Variants in SLC22A23 observed in about 807,000 individuals in gnomAD.
SLC22A23 encodes ion transporter protein.
In SLC22A23, 26 loss-of-function variants were observed where a neutral mutation model predicts 61.0. That is an observed-to-expected ratio of 0.43 (90% confidence interval 0.31 to 0.59). The LOEUF (loss-of-function observed/expected upper bound fraction) is 0.59. Among genes scored for constraint, SLC22A23 ranks in the 20% least tolerant of loss-of-function variants. The pLI is 0.11. For synonymous variants in SLC22A23, 430 were observed against 413.9 expected (o/e 1.04, Z -0.47); for missense variants, 796 against 934.7 (o/e 0.85, Z 1.94).
In SLC22A23 at chr6:3,410,305, A is replaced by T; in HGVS notation, c.796T>A (p.Phe266Ile). 6.2e-7 allele frequency: 1 copy of T among 1,613,730 alleles called. No homozygotes were observed. The highest frequency in any genetic ancestry group is 1.7e-5 in the Admixed American group (1 of 59,924). Residue 266 changes from phenylalanine (F) to isoleucine (I), a missense_variant, in exon 3 of 10, where the codon TTC becomes ATC. Coordinates refer to ENST00000406686, the MANE Select transcript of SLC22A23 (RefSeq NM_015482.2). The surrounding 1 kb of genome is among the most constrained non-coding windows in gnomAD (Gnocchi z 5.0). ...RRPVLLFSII[F>I]ILIFGLTVAL... Reference sequence around the variant, plus strand: ...ACAGTCAGTCCAAAGATCAGAATGAAGATGATGGAAAACAGCAGCACAGGC... The same window carrying T: ...ACAGTCAGTCCAAAGATCAGAATGATGATGATGGAAAACAGCAGCACAGGC...
intron 3 of SLC22A23, among the ~76,000 whole-genome samples, chr6:3,400,917 A>G (rs965806503): frequency 2.6e-5 from 4 of 152,252 alleles, no homozygotes; most frequent in Admixed American, 1.3e-4. Context: ...GACTTTAAGC[A>G]AAAATAGGCA....
intron 1 of SLC22A23, among the ~76,000 whole-genome samples, chr6:3,422,420 G>A (rs1161048047): frequency 1.3e-5 from 2 of 152,102 alleles, no homozygotes; most frequent in Non-Finnish European, 2.9e-5. Context: ...CATTAGCTAC[G>A]ATTAGTTTCT....
At chr6:3,298,300 G>C in intron 4 of SLC22A23, 82 bp from the exon 5 acceptor site, 1 of 1,485,172 alleles carries the variant, frequency 6.7e-7, no homozygotes, top group South Asian at 1.3e-5. Flanking sequence ...TGGCCCGGGA[G>C]CTTCCCAGGC....
chr6:3,295,100 C>T (rs1561875462), intron 5 of SLC22A23, among the ~76,000 whole-genome samples: 2 of 152,254 alleles, frequency 1.3e-5, no homozygotes, highest in African/African-American at 4.8e-5. Flanking sequence ...GGCTGGGCTG[C>T]TGCTGGGGGC....
In SLC22A23 at chr6:3,330,150, C is replaced by T. The variant is rs1763508414; in HGVS notation, c.914-6148G>A. ...ACCCGCTGTCCTTACAAGTGGATCA[C>T]CCCTCTCCTCCCCTCTCCCAGCCCT... On this transcript the variant is annotated intron_variant, in intron 3 of 9. Transcript: ENST00000406686. This position sits in a 1 kb window ranked among gnomAD's most constrained non-coding sequence, Gnocchi z 4.7. 6.6e-6 allele frequency among the ~76,000 whole-genome samples: 1 copy of T among 152,228 alleles called. No homozygotes were observed. Among genetic ancestry groups the T allele is most frequent in the Non-Finnish European group, 1.5e-5 (1 of 68,048 alleles).
rs1394271205 is a variant in SLC22A23, at chr6:3,297,014, ACT to A, written c.1210+1075_1210+1076del. Among the ~76,000 whole-genome samples, 4 of 151,966 alleles carry A rather than the reference ACT, an allele frequency of 2.6e-5. No homozygotes were observed. Among genetic ancestry groups the A allele is most frequent in the African/African-American group, 9.7e-5 (4 of 41,388 alleles). On this transcript the variant is annotated intron_variant, in intron 5 of 9. Coordinates refer to ENST00000406686, the MANE Select transcript of SLC22A23 (RefSeq NM_015482.2). The surrounding 1 kb of genome is among the most constrained non-coding windows in gnomAD (Gnocchi z 4.3). ...CCCCTGGAGCAAAGCTTCCGCAGCC[ACT>A]CTGACTGTAGTCCCTCCCTGCCACC...
At chr6:3,449,873 A>G (rs777403710) in intron 1 of SLC22A23, among the ~76,000 whole-genome samples, 1 of 152,254 alleles carries the variant, frequency 6.6e-6, no homozygotes, top group Non-Finnish European at 1.5e-5. Context: ...ATATAACAGC[A>G]AAGACTGGAG....
chr6:3,348,835 C>T (rs916314507), intron 3 of SLC22A23, among the ~76,000 whole-genome samples: 1 of 152,222 alleles, frequency 6.6e-6, no homozygotes, highest in South Asian at 2.1e-4. Flanking sequence ...TCCCAGCCAA[C>T]GGACCGGGTC....
chr6:3,335,997 G>A (rs1236360823), intron 3 of SLC22A23, among the ~76,000 whole-genome samples: 1 of 152,066 alleles, frequency 6.6e-6, no homozygotes, highest in Non-Finnish European at 1.5e-5. Flanking sequence ...GCTGAGGCAG[G>A]AGAATGGCGT....
chr6:3,453,857 G>C (rs1348667679), intron 1 of SLC22A23, among the ~76,000 whole-genome samples: 1 of 152,156 alleles, frequency 6.6e-6, no homozygotes, highest in African/African-American at 2.4e-5. Context: ...ACAAGCACCT[G>C]ACCCCTGGAA....
chr6:3,351,699 C>T (rs1581733041), intron 3 of SLC22A23, among the ~76,000 whole-genome samples: 1 of 152,168 alleles, frequency 6.6e-6, no homozygotes, highest in African/African-American at 2.4e-5. Flanking sequence ...CCATCTCCTC[C>T]CCCAGCCACA....
chr6:3,275,869 A>T (rs1758849668), intron 9 of SLC22A23, among the ~76,000 whole-genome samples: 1 of 152,238 alleles, frequency 6.6e-6, no homozygotes, highest in African/African-American at 2.4e-5. Context: ...GGCGTGAGCC[A>T]CCACGCCACT....
In SLC22A23 at chr6:3,390,960, G is replaced by A. The variant is rs915725679; in HGVS notation, c.913+19228C>T. Among the ~76,000 whole-genome samples the A allele has an allele frequency of 6.6e-6, 1 of 151,942 alleles. No individual in the cohort carries two copies. On this transcript the variant is annotated intron_variant, in intron 3 of 9. Coordinates refer to ENST00000406686, the MANE Select transcript of SLC22A23 (RefSeq NM_015482.2). This position sits in a 1 kb window ranked among gnomAD's most constrained non-coding sequence, Gnocchi z 4.0. The stretch of plus-strand genomic sequence containing the variant: ...GTGAATTTGGTCAACTGCCTGAATG[G>A]AATGAAGAGAATCATACCCTGACTC...
In SLC22A23 at chr6:3,317,385, T is replaced by G. The variant is rs1762702557; in HGVS notation, c.1082+6449A>C. Among the ~76,000 whole-genome samples the G allele has an allele frequency of 6.6e-6, 1 of 152,180 alleles. No individual in the cohort carries two copies. Among genetic ancestry groups the G allele is most frequent in the Admixed American group, 6.5e-5 (1 of 15,284 alleles). The stretch of plus-strand genomic sequence containing the variant: ...GTGCACAATTTCAGAGCAGCAGCTC[T>G]TGCACCCAGCTCCCTCTTCCATTCT... On this transcript the variant is annotated intron_variant, in intron 4 of 9. Coordinates refer to ENST00000406686, the MANE Select transcript of SLC22A23 (RefSeq NM_015482.2). The surrounding 1 kb of genome is among the most constrained non-coding windows in gnomAD (Gnocchi z 4.4).
intron 3 of SLC22A23, among the ~76,000 whole-genome samples, chr6:3,345,937 G>A (rs6596965): frequency 0.78 from 118,888 of 152,138 alleles, 46,940 homozygotes; most frequent in African/African-American, 0.88. Flanking sequence ...GGTGTCTCCC[G>A]TTCTCCGAGA....
At chr6:3,452,887 G>C (rs1398054289) in intron 1 of SLC22A23, among the ~76,000 whole-genome samples, 2 of 152,192 alleles carry the variant, frequency 1.3e-5, no homozygotes, top group South Asian at 2.1e-4. Flanking sequence ...CTAAGTCATG[G>C]TCATGCTACA....
intron 1 of SLC22A23, among the ~76,000 whole-genome samples, chr6:3,445,614 G>A (rs1026435255): frequency 6.6e-6 from 1 of 152,164 alleles, no homozygotes; most frequent in Non-Finnish European, 1.5e-5. Flanking sequence ...TCCAACCAGG[G>A]TCCAGTGAGG....
rs370988534 is a variant in SLC22A23 at position 3,327,085 on chromosome 6, C to T, written c.914-3083G>A. 5.3e-5 allele frequency among the ~76,000 whole-genome samples: 8 copies of T among 149,808 alleles called. No individual in the cohort carries two copies. In the East Asian group the frequency reaches 7.8e-4, roughly 15 times the overall value. ...GGTGGATCGTTTCTGCTGGGAGGGA[C>T]GGGGACTGCAGGTGGATAGTTTTTG... is the stretch of plus-strand genomic sequence containing the variant. On this transcript the variant is annotated intron_variant, in intron 3 of 9. Coordinates refer to ENST00000406686, the MANE Select transcript of SLC22A23 (RefSeq NM_015482.2). This position sits in a 1 kb window ranked among gnomAD's most constrained non-coding sequence, Gnocchi z 4.1.
chr6:3,304,061 G>T lies in SLC22A23; in HGVS notation c.1083-5843C>A, dbSNP rs1001297110. ...TGGAATTCCATCAGTCCAGGCATTG[G>T]ATCCCAGAGAGGATTCAATTCTGCT... On this transcript the variant is annotated intron_variant, in intron 4 of 9. Transcript: ENST00000406686. This position sits in a 1 kb window ranked among gnomAD's most constrained non-coding sequence, Gnocchi z 4.3. Among the ~76,000 whole-genome samples the T allele has an allele frequency of 6.6e-6, 1 of 152,218 alleles. No individual in the cohort carries two copies. The highest frequency in any genetic ancestry group is 1.5e-5 in the Non-Finnish European group (1 of 68,036).
Sources: allele counts gnomAD v4.1 joint callset (sites outside exome capture counted in the v4.1 genomes callset), GRCh38; gene constraint gnomAD v4.1.1; non-coding constraint Gnocchi (gnomAD v3.1); transcripts MANE v1.5; gene names NCBI Gene and HGNC (gene_info 2026-07-23, HGNC 2026-07-21).